The following NETO1 variants were observed in gnomAD, a reference collection of about 807,000 sequenced individuals.
The protein encoded by NETO1 is neuropilin and tolloid-like protein 1.
A neutral mutation model predicts 61.3 loss-of-function variants in NETO1; 26 were observed. The ratio of observed to expected loss-of-function variants is 0.42; its 90% CI spans 0.31 to 0.59. NETO1 has a LOEUF of 0.59. Ranked by LOEUF, NETO1 falls within the 20% of genes least tolerant of loss-of-function variation. The pLI, the probability that NETO1 is intolerant of heterozygous loss-of-function variation, is 0.12. For missense variants in NETO1, 531 were observed against 662.8 expected, an observed-to-expected ratio of 0.80 and a Z score of 2.18; for synonymous variants, 225 against 225.8, an observed-to-expected ratio of 1.00 and a Z score of 0.03.
At chr18:72,804,812 T>G (rs1017145090) in intron 4 of NETO1, among the ~76,000 whole-genome samples, 4 of 152,228 alleles carry the variant, frequency 2.6e-5, no homozygotes. Context: ...CCTAACAGGA[T>G]AGTCTTAGAA....
At chr18:72,743,313 T>C (rs902072820), downstream of NETO1, among the ~76,000 whole-genome samples, 3 of 152,198 alleles carry the variant, frequency 2.0e-5, no homozygotes, top group Non-Finnish European at 2.9e-5. Context: ...GCACTACTAT[T>C]TGACCATTGT....
intron 4 of NETO1, chr18:72,834,789 A>G: frequency 1.0e-6 from 1 of 985,096 alleles, no homozygotes; most frequent in Non-Finnish European, 1.2e-6. Flanking sequence ...GCGATAAGAA[A>G]CTAAAGCAAA....
In NETO1 at chr18:72,783,878, A is replaced by G. The variant is rs1190984113; in HGVS notation, c.668T>C (p.Met223Thr). 6.2e-7 allele frequency: 1 copy of G among 1,613,616 alleles called. No homozygotes were observed. The highest frequency in any genetic ancestry group is 1.1e-5 in the South Asian group (1 of 91,070). ...CCTCTTGCACTCATTTGAATTCTGCATCTCATAGTCCAAGAATCGTAAGTA... is the reference window on the plus strand; with the variant it reads ...CCTCTTGCACTCATTTGAATTCTGCGTCTCATAGTCCAAGAATCGTAAGTA... ...KIYLRFLDYEMQNSNECKRNF... is the reference protein window; with the variant it reads ...KIYLRFLDYETQNSNECKRNF... The change falls in exon 7 of 11, where the codon ATG (methionine) becomes ACG (threonine). Residue 223 changes from methionine (M) to threonine (T), a missense_variant. Met to Thr is a moderately conservative substitution (Grantham distance 81). Coordinates refer to ENST00000327305, the MANE Select transcript of NETO1 (RefSeq NM_138966.5).
At chr18:72,825,106 G>A (rs577335961) in intron 4 of NETO1, among the ~76,000 whole-genome samples, 1 of 152,256 alleles carries the variant, frequency 6.6e-6, no homozygotes, top group Non-Finnish European at 1.5e-5. Flanking sequence ...TTTAGGATAT[G>A]ATGTTATAAC....
intron 7 of NETO1, among the ~76,000 whole-genome samples, chr18:72,761,958 G>C (rs1599110774): frequency 6.6e-6 from 1 of 152,030 alleles, no homozygotes; most frequent in Admixed American, 6.6e-5. Context: ...GAAGTCATGA[G>C]GTAAAATATG....
intron 8 of NETO1, among the ~76,000 whole-genome samples, chr18:72,751,028 C>T (rs575671680): frequency 6.6e-4 from 84 of 126,676 alleles, no homozygotes; most frequent in South Asian, 3.8e-3. Context: ...CCCTCCCCAT[C>T]GTCCAGCATC....
intron 8 of NETO1, chr18:72,752,173 G>A (rs1457640391): frequency 1.3e-5 from 2 of 152,176 alleles, no homozygotes; most frequent in Admixed American, 6.5e-5. Context: ...AACAGCTAAT[G>A]AGAGTCCTCC....
chr18:72,832,380 A>G (rs1021843256), intron 4 of NETO1, among the ~76,000 whole-genome samples: 2 of 152,204 alleles, frequency 1.3e-5, no homozygotes, highest in African/African-American at 4.8e-5. Context: ...GGTGCATTAC[A>G]CTCATAAAGA....
intron 4 of NETO1, among the ~76,000 whole-genome samples, chr18:72,842,461 C>T (rs2073965015): frequency 6.6e-6 from 1 of 151,924 alleles, no homozygotes; most frequent in African/African-American, 2.4e-5. Context: ...ATGATGAAGT[C>T]AATAATACCA....
intron 4 of NETO1, 88 bp downstream of exon 4, chr18:72,858,738 G>C (rs958829835): frequency 1.6e-6 from 2 of 1,257,008 alleles, no homozygotes; most frequent in Non-Finnish European, 2.2e-6. Context: ...CTCTGAGAAA[G>C]TATAATGTTG....
At chr18:72,831,875 T>C (rs1353354643) in intron 4 of NETO1, among the ~76,000 whole-genome samples, 1 of 152,198 alleles carries the variant, frequency 6.6e-6, no homozygotes, top group African/African-American at 2.4e-5. Flanking sequence ...AGTTTAGAAC[T>C]TCCCTTTCAT....
intron 7 of NETO1, among the ~76,000 whole-genome samples, chr18:72,777,490 C>T (rs1181981782): frequency 1.3e-5 from 2 of 151,222 alleles, no homozygotes; most frequent in African/African-American, 4.9e-5. Flanking sequence ...GCCTGTAATC[C>T]CAGCACTTTG....
intron 1 of NETO1, 187 bp downstream of exon 1, chr18:72,867,077 C>G (rs537026035): frequency 5.9e-4 from 285 of 480,426 alleles, no homozygotes; most frequent in African/African-American, 5.4e-3. Flanking sequence ...GACGGCTGAC[C>G]GCGCGCCGCC....
At position 72,783,991 on chromosome 18, in the gene NETO1, C is replaced by T. The variant is rs75370399; in HGVS notation, c.640-85G>A. 85 of 896,788 alleles carry T rather than the reference C, an allele frequency of 9.5e-5. 1 individual carries two copies. The South Asian group carries it at 1.0e-3, about 11-fold the overall frequency. 55.6% of individuals were successfully genotyped at this position (896,788 alleles called of 1,614,324 possible). On this transcript the variant is annotated intron_variant, in intron 6 of 10. Transcript: ENST00000327305. ...GAACTCCTTTTCTCTTTTTCAGTCT[C>T]ACAAGACAATCTTGATTGCAATCAA...
chr18:72,833,343 TG>T lies in NETO1; in HGVS notation c.469+25482del, dbSNP rs545919314. Among the ~76,000 whole-genome samples, 123 of 152,318 alleles carry T rather than the reference TG, an allele frequency of 8.1e-4. 1 individual carries two copies. In the South Asian group the frequency reaches 0.023, roughly 28 times the overall value. On this transcript the variant is annotated intron_variant, in intron 4 of 10. Coordinates refer to ENST00000327305, the MANE Select transcript of NETO1 (RefSeq NM_138966.5). ...GCTAATATTTCAAGAAGACTTTCTCTGACCTCTAGGCCGTTAAGTTATTTTG... is the reference window on the plus strand; with the variant it reads ...GCTAATATTTCAAGAAGACTTTCTCTACCTCTAGGCCGTTAAGTTATTTTG...
chr18:72,798,074 C>T (rs2072379296), intron 4 of NETO1, among the ~76,000 whole-genome samples: 1 of 152,242 alleles, frequency 6.6e-6, no homozygotes, highest in South Asian at 2.1e-4. Flanking sequence ...TTCCACTGCT[C>T]CATAATCAAG....
At position 72,864,893 on chromosome 18, in the gene NETO1, T is replaced by C. The variant is rs1481588292; in HGVS notation, c.135A>G (p.Thr45=). 2 of 1,614,094 alleles carry C rather than the reference T, an allele frequency of 1.2e-6. No individual in the cohort carries two copies. Among genetic ancestry groups the C allele is most frequent in the Admixed American group, 3.3e-5 (2 of 59,994 alleles). Residue 45 remains threonine, a synonymous_variant, in exon 3 of 11, where the codon ACA becomes ACG. Coordinates refer to ENST00000327305, the MANE Select transcript of NETO1 (RefSeq NM_138966.5). ...TQKSVQCGTW[T]KHAEGGIFTS... ...TAAAGATACCTCCCTCTGCATGTTT[T>C]GTCCAAGTTCCACACTGCACTGACT...
At chr18:72,792,090 G>A (rs1233793602) in intron 6 of NETO1, among the ~76,000 whole-genome samples, 1 of 152,140 alleles carries the variant, frequency 6.6e-6, no homozygotes, top group African/African-American at 2.4e-5. Flanking sequence ...GCAAGCCTTA[G>A]AGATACATTC....
chr18:72,781,230 A>T (rs1022465572), intron 7 of NETO1, among the ~76,000 whole-genome samples: 14 of 152,158 alleles, frequency 9.2e-5, no homozygotes, highest in African/African-American at 3.4e-4. Context: ...TTGCCCTTCC[A>T]AATTTTTATC....
Sources: gnomAD v4.1 joint callset for allele counts (sites outside exome capture counted in the v4.1 genomes callset) on GRCh38, gnomAD v4.1.1 for gene constraint, MANE v1.5 for transcripts, NCBI Gene and HGNC (gene_info 2026-07-23, HGNC 2026-07-21) for gene names.